The following LYG2 variants were observed in gnomAD, a reference collection of about 807,000 sequenced individuals.
LYG2 encodes lysozyme g-like protein 2.
LYG2 carries 25 observed loss-of-function variants against 22.4 expected under a neutral mutation model. The observed-to-expected ratio is 1.12, with a 90% CI of 0.81 to 1.56. LYG2 has a LOEUF of 1.56. LYG2 is among the 40% of genes most tolerant of loss of function. The pLI, the probability that LYG2 is intolerant of heterozygous loss-of-function variation, is 0.00. For synonymous variants in LYG2, 88 were observed against 97.0 expected (o/e 0.91, Z 0.55); for missense variants, 266 against 269.5 (o/e 0.99, Z 0.09).
chr2:99,245,525 A>G (rs2094014554), intron 4 of LYG2, 67 bp from the exon 5 acceptor site: 5 of 1,013,206 alleles, frequency 4.9e-6, no homozygotes, highest in Non-Finnish European at 7.0e-6. Flanking sequence ...AGTTCCTGCT[A>G]CACAGGAGGC....
At position 99,242,496 on chromosome 2, in the gene LYG2, C is replaced by G; in HGVS notation, c.521-14G>C. ...CTGAGAGACCACCTGAAATGAAACA[C>G]AGAGAATTAGGCTCAAATATTAACT... is the stretch of plus-strand genomic sequence containing the variant. On this transcript the variant is annotated splice_polypyrimidine_tract_variant and intron_variant, in intron 6 of 6. Transcript: ENST00000333017. 6.5e-7 allele frequency: 1 copy of G among 1,526,820 alleles called. No homozygotes were observed. The highest frequency in any genetic ancestry group is 9.1e-7 in the Non-Finnish European group (1 of 1,102,730). The allele number at this position is 1,526,820 out of a possible 1,614,324, so 94.6% of individuals were successfully genotyped here.
intron 6 of LYG2, chr2:99,243,357 C>A: frequency 1.4e-6 from 2 of 1,419,540 alleles, no homozygotes; most frequent in South Asian, 1.3e-5. Context: ...CTGTGGTCAG[C>A]CAAGCAGAGA....
At chr2:99,243,804 G>C in intron 6 of LYG2, 195 bp downstream of exon 6, 1 of 625,386 alleles carries the variant, frequency 1.6e-6, no homozygotes, top group Non-Finnish European at 2.8e-6. Flanking sequence ...CTGCAGAAGA[G>C]GAAATGGAGG....
intron 3 of LYG2, among the ~76,000 whole-genome samples, chr2:99,247,814 A>G (rs1181721820): frequency 1.3e-5 from 2 of 151,908 alleles, no homozygotes; most frequent in Non-Finnish European, 2.9e-5. Context: ...ATGGGAGAAA[A>G]TTTTCGCAAC....
At chr2:99,255,535 A>G (rs1251093343) in intron 1 of LYG2, among the ~76,000 whole-genome samples, 68 bp downstream of exon 1, 1 of 152,228 alleles carries the variant, frequency 6.6e-6, no homozygotes, top group Non-Finnish European at 1.5e-5. Context: ...CGAATAAGAA[A>G]CAGATAATTC....
Position 99,245,462 on chromosome 2 carries a change from C to A in LYG2, c.185-4G>T. The A allele has an allele frequency of 6.3e-7, 1 of 1,575,286 alleles. No individual in the cohort carries two copies. Among genetic ancestry groups the A allele is most frequent in the Non-Finnish European group, 8.7e-7 (1 of 1,152,356 alleles). On this transcript the variant is annotated splice_polypyrimidine_tract_variant and splice_region_variant and intron_variant, in intron 4 of 6. Coordinates refer to ENST00000333017, the MANE Select transcript of LYG2 (RefSeq NM_175735.4). ...AACATTTCAGAACCACGGATCCCTA[C>A]GTCAATAGAAAAGAAACTGTTTTTC...
At chr2:99,243,323 G>C (rs2094009583) in intron 6 of LYG2, 5 of 949,790 alleles carry the variant, frequency 5.3e-6, no homozygotes, top group African/African-American at 1.7e-5. Context: ...AATTCCATCT[G>C]GGAGATGCTG....
chr2:99,247,329 G>A (rs1032753250), intron 3 of LYG2, among the ~76,000 whole-genome samples: 15 of 152,050 alleles, frequency 9.9e-5, no homozygotes, highest in African/African-American at 3.4e-4. Context: ...GTGCTCAAGC[G>A]ATCCTCTCTC....
chr2:99,255,055 C>G lies in LYG2; in HGVS notation c.-61G>C, dbSNP rs4103666. The stretch of plus-strand genomic sequence containing the variant: ...ACCTTACAGAGAAAATCTCCCCTCT[C>G]TGTTTGCAAAGGTCTTCTGTACTCA... On this transcript the variant is annotated 5_prime_UTR_variant, in exon 2 of 7. Transcript: ENST00000333017. 1.3e-5 allele frequency: 2 copies of G among 152,260 alleles called. No homozygotes were observed. The highest frequency in any genetic ancestry group is 4.8e-5 in the African/African-American group (2 of 41,464). The allele number at this position is 152,260 out of a possible 1,614,324, so 9.4% of individuals were successfully genotyped here.
intron 2 of LYG2, among the ~76,000 whole-genome samples, chr2:99,254,726 G>A (rs2094032996): frequency 1.3e-5 from 2 of 152,132 alleles, no homozygotes; most frequent in South Asian, 4.1e-4. Context: ...CTGGAGTGCA[G>A]TGGCATAATC....
intron 3 of LYG2, among the ~76,000 whole-genome samples, chr2:99,248,343 C>T (rs1188378831): frequency 6.6e-6 from 1 of 152,036 alleles, no homozygotes; most frequent in Non-Finnish European, 1.5e-5. Context: ...AAATGTCCAA[C>T]AATGATAGAC....
At chr2:99,251,151 C>G (rs1225233190) in intron 3 of LYG2, among the ~76,000 whole-genome samples, 1 of 152,006 alleles carries the variant, frequency 6.6e-6, no homozygotes, top group Non-Finnish European at 1.5e-5. Context: ...GACTAACTAT[C>G]TTTTTTAAAG....
rs1173612125 is a variant in LYG2 at position 99,245,258 on chromosome 2, A to G, written c.381+4T>C. 1 of 1,591,130 alleles carries G rather than the reference A, an allele frequency of 6.3e-7. No homozygotes were observed. The highest frequency in any genetic ancestry group is 1.3e-5 in the African/African-American group (1 of 74,134). ...GGGCTGATAGAAAGTTTCTAGCTAA[A>G]TACCTGCATCAAGCCAAATTTAAGT... On this transcript the variant is annotated splice_donor_region_variant and intron_variant, in intron 5 of 6. Transcript: ENST00000333017.
At chr2:99,251,834 TAA>T (rs1003317213) in intron 3 of LYG2, among the ~76,000 whole-genome samples, 1 of 148,696 alleles carries the variant, frequency 6.7e-6, no homozygotes, top group African/African-American at 2.5e-5. Flanking sequence ...AGAGACACAT[TAA>T]AAAAAAAAAT....
rs376852192 is a variant in LYG2 at position 99,246,951 on chromosome 2, G to T, written c.44-131C>A. On this transcript the variant is annotated intron_variant, in intron 3 of 6. Transcript: ENST00000333017. ...CCCAACTCTCTTGTTGCCATTATTT[G>T]TTCCTCAGACAGAAGTTCCCCATGC... is the stretch of plus-strand genomic sequence containing the variant. 2,573 of 855,392 alleles carry T rather than the reference G, an allele frequency of 3.0e-3. 58 individuals are homozygous for T. The South Asian group carries it at 0.04, about 13-fold the overall frequency. The allele number at this position is 855,392 out of a possible 1,614,324, so 53.0% of individuals were successfully genotyped here. A position where few individuals can be genotyped will look rare whatever the true frequency, so the allele number is the denominator to read the frequency against.
At chr2:99,256,481 A>G (rs1291914018), upstream of LYG2, among the ~76,000 whole-genome samples, 1 of 152,158 alleles carries the variant, frequency 6.6e-6, no homozygotes, top group East Asian at 1.9e-4. Context: ...ACCCAGCGAC[A>G]TTGTGCCCGT....
At chr2:99,259,132 A>G (rs1274161591), upstream of LYG2, among the ~76,000 whole-genome samples, 1 of 152,152 alleles carries the variant, frequency 6.6e-6, no homozygotes, top group Non-Finnish European at 1.5e-5. Flanking sequence ...ATTGCTTTGT[A>G]GTACTGTTCA....
rs2094014416 is a variant in LYG2, at chr2:99,245,467, A to G, written c.185-9T>C. 8.9e-6 allele frequency: 14 copies of G among 1,567,708 alleles called. 1 individual carries two copies. The Middle Eastern group carries it at 8.5e-4, about 95-fold the overall frequency. On this transcript the variant is annotated splice_polypyrimidine_tract_variant and intron_variant, in intron 4 of 6. Transcript: ENST00000333017. ...TTCAGAACCACGGATCCCTACGTCA[A>G]TAGAAAAGAAACTGTTTTTCCGGGC... is the stretch of plus-strand genomic sequence containing the variant.
chr2:99,243,345 G>A lies in LYG2; in HGVS notation c.520+654C>T, dbSNP rs964770956. On this transcript the variant is annotated intron_variant, in intron 6 of 6. Transcript: ENST00000333017. ...TCTGGGAGATGCTGAACTTGAGGGGGCCTGTGGTCAGCCAAGCAGAGATTT... is the reference window on the plus strand; with the variant it reads ...TCTGGGAGATGCTGAACTTGAGGGGACCTGTGGTCAGCCAAGCAGAGATTT... The A allele has an allele frequency of 9.8e-6, 12 of 1,221,038 alleles. No homozygotes were observed. The East Asian group carries it at 2.4e-4, about 24-fold the overall frequency. 75.6% of individuals were successfully genotyped at this position (1,221,038 alleles called of 1,614,324 possible).
Sources: gnomAD v4.1 joint callset for allele counts (sites outside exome capture counted in the v4.1 genomes callset) on GRCh38, gnomAD v4.1.1 for gene constraint, MANE v1.5 for transcripts, NCBI Gene and HGNC (gene_info 2026-07-23, HGNC 2026-07-21) for gene names.